Variants in KDM4C observed in about 807,000 individuals in gnomAD.
The protein encoded by KDM4C is lysine demethylase 4C.
In KDM4C, 81 loss-of-function variants were observed where a neutral mutation model predicts 129.3. The ratio of observed to expected loss-of-function variants is 0.63; its 90% CI spans 0.52 to 0.75. The LOEUF (loss-of-function observed/expected upper bound fraction) is 0.75. KDM4C is among the 30% of genes least tolerant of loss of function. The pLI is 0.00. For missense variants in KDM4C, 1,457 were observed against 1,304.0 expected (o/e 1.12, Z -1.81); for synonymous variants, 573 against 456.1 (o/e 1.26, Z -3.26).
intron 5 of KDM4C, among the ~76,000 whole-genome samples, chr9:6,851,799 G>A (rs181325523): frequency 6.6e-6 from 1 of 152,286 alleles, no homozygotes; most frequent in Admixed American, 6.5e-5. Flanking sequence ...ATTCTGGTCA[G>A]GGCTAAGATG....
intron 4 of KDM4C, among the ~76,000 whole-genome samples, chr9:6,845,758 C>G (rs1052686891): frequency 6.6e-6 from 1 of 152,154 alleles, no homozygotes; most frequent in Non-Finnish European, 1.5e-5. Context: ...GCTTAGGACT[C>G]CAGTTAGTCC....
chr9:7,158,780 A>G (rs1345278001), intron 19 of KDM4C, among the ~76,000 whole-genome samples: 1 of 152,206 alleles, frequency 6.6e-6, no homozygotes, highest in Non-Finnish European at 1.5e-5. Flanking sequence ...CAATTTTAGA[A>G]TAAGTGCAAT....
intron 7 of KDM4C, 82 bp downstream of exon 7, chr9:6,888,145 G>A: frequency 1.5e-6 from 1 of 666,766 alleles, no homozygotes; most frequent in Non-Finnish European, 2.4e-6. Flanking sequence ...TTAACTTCCA[G>A]TAGAATTTTT....
chr9:7,152,140 C>G (rs1203944192), intron 19 of KDM4C, among the ~76,000 whole-genome samples: 1 of 152,160 alleles, frequency 6.6e-6, no homozygotes, highest in East Asian at 1.9e-4. Context: ...GCTGATGAAA[C>G]TAAGTTTATA....
chr9:6,762,635 A>G (rs1563948041), intron 1 of KDM4C, among the ~76,000 whole-genome samples: 1 of 147,882 alleles, frequency 6.8e-6, no homozygotes. Context: ...ATTATATAAT[A>G]TATAATATAA....
intron 8 of KDM4C, among the ~76,000 whole-genome samples, chr9:6,920,091 A>G (rs1393756371): frequency 6.6e-6 from 1 of 152,048 alleles, no homozygotes; most frequent in Non-Finnish European, 1.5e-5. Context: ...GAAGAACTGG[A>G]GTTGTCACTC....
At chr9:7,065,193 A>C (rs886988183) in intron 17 of KDM4C, among the ~76,000 whole-genome samples, 2 of 152,178 alleles carry the variant, frequency 1.3e-5, no homozygotes, top group Non-Finnish European at 2.9e-5. Flanking sequence ...TTTAGTTTTA[A>C]ATTGAAGTCT....
rs1002408300 is a variant in KDM4C at position 7,046,694 on chromosome 9, C to T, written c.2260-168C>T. On this transcript the variant is annotated intron_variant, in intron 15 of 21. Coordinates refer to ENST00000381309, the MANE Select transcript of KDM4C (RefSeq NM_015061.6). ...TGAGGGGTGTACCTCTACCATTTCC[C>T]CCTCCGCTGTCTTTCTTTTTGAACT... 3.3e-5 allele frequency among the ~76,000 whole-genome samples: 5 copies of T among 151,916 alleles called. No homozygotes were observed. The South Asian group carries it at 6.2e-4, about 19-fold the overall frequency.
At chr9:6,896,744 C>T (rs1365460632) in intron 8 of KDM4C, among the ~76,000 whole-genome samples, 1 of 152,038 alleles carries the variant, frequency 6.6e-6, no homozygotes, top group Non-Finnish European at 1.5e-5. Flanking sequence ...TGCTGTGTGC[C>T]AGGCATCATG....
intron 8 of KDM4C, among the ~76,000 whole-genome samples, chr9:6,917,196 T>A (rs1185867254): frequency 1.3e-5 from 2 of 152,184 alleles, no homozygotes; most frequent in East Asian, 3.8e-4. Flanking sequence ...CCTGCCTCCC[T>A]TACTCAGTCT....
intron 8 of KDM4C, among the ~76,000 whole-genome samples, chr9:6,924,202 G>C (rs1463847951): frequency 6.6e-6 from 1 of 152,130 alleles, no homozygotes; most frequent in Non-Finnish European, 1.5e-5. Context: ...GTTACTGGTT[G>C]CATGTGCTTT....
intron 18 of KDM4C, among the ~76,000 whole-genome samples, chr9:7,112,437 C>T (rs1028891483): frequency 6.6e-6 from 1 of 152,106 alleles, no homozygotes. Flanking sequence ...TCCACCATGG[C>T]CATGTCCCAG....
intron 4 of KDM4C, among the ~76,000 whole-genome samples, chr9:6,844,470 C>T (rs948531682): frequency 1.1e-4 from 16 of 152,184 alleles, no homozygotes; most frequent in Admixed American, 1.3e-4. Flanking sequence ...CATAAGGCTT[C>T]CTTTAATATG....
intron 12 of KDM4C, among the ~76,000 whole-genome samples, chr9:6,993,262 G>C (rs537446883): frequency 1.3e-3 from 205 of 152,008 alleles, no homozygotes; most frequent in African/African-American, 4.8e-3. Context: ...ATTCTTTTTT[G>C]GTGAAAAATA....
At chr9:6,849,484 T>G (rs775715553) in intron 4 of KDM4C, 23 bp from the exon 5 acceptor site, 9 of 1,510,824 alleles carry the variant, frequency 6.0e-6, no homozygotes, top group Non-Finnish European at 7.1e-6. Flanking sequence ...GATTTCTCTC[T>G]CTTTTTTTCT....
At chr9:6,780,324 A>ATTTTTTTTTTTTTTATT (rs1245531833) in intron 1 of KDM4C, among the ~76,000 whole-genome samples, 1 of 150,826 alleles carries the variant, frequency 6.6e-6, no homozygotes, top group African/African-American at 2.4e-5. Flanking sequence ...GAGGTAATTT[A>ATTTTTTTTTTTTTTATT]TTTTTAATCT....
At chr9:7,052,024 G>A (rs532719362) in intron 17 of KDM4C, among the ~76,000 whole-genome samples, 8 of 152,270 alleles carry the variant, frequency 5.3e-5, no homozygotes, top group East Asian at 3.9e-4. Flanking sequence ...GGTCTACAGC[G>A]AAGATATAGA....
chr9:7,035,991 G>A (rs963788609), intron 15 of KDM4C, among the ~76,000 whole-genome samples: 5 of 152,084 alleles, frequency 3.3e-5, no homozygotes, highest in Non-Finnish European at 5.9e-5. Context: ...CCATACAAAT[G>A]TTAGGGTTAT....
chr9:7,165,992 A>G (rs1348794702), intron 20 of KDM4C, among the ~76,000 whole-genome samples: 1 of 152,234 alleles, frequency 6.6e-6, no homozygotes, highest in Non-Finnish European at 1.5e-5. Context: ...TCACCCAGAA[A>G]TGAGAATGAG....
Sources: allele counts gnomAD v4.1 joint callset (sites outside exome capture counted in the v4.1 genomes callset), GRCh38; gene constraint gnomAD v4.1.1; transcripts MANE v1.5; gene names NCBI Gene and HGNC (gene_info 2026-07-23, HGNC 2026-07-21).